CLPX: variants seen among roughly 807,000 people sequenced by gnomAD.
The protein encoded by CLPX is caseinolytic mitochondrial matrix peptidase chaperone subunit X.
CLPX carries 34 observed loss-of-function variants against 76.4 expected under a neutral mutation model. The ratio of observed to expected loss-of-function variants is 0.45; its 90% CI spans 0.34 to 0.59. CLPX has a LOEUF of 0.59. CLPX is among the 20% of genes least tolerant of loss of function. CLPX has a pLI of 0.01. For synonymous variants in CLPX, 248 were observed against 270.9 expected, an observed-to-expected ratio of 0.92 and a Z score of 0.83; for missense variants, 613 against 757.0, an observed-to-expected ratio of 0.81 and a Z score of 2.23.
chr15:65,152,471 G>A lies in CLPX; in HGVS notation c.1770C>T (p.Asp590=), dbSNP rs779741282. 8.3e-6 allele frequency: 13 copies of A among 1,559,702 alleles called. No individual in the cohort carries two copies. In the South Asian group the frequency reaches 1.6e-4, roughly 19 times the overall value. The stretch of plus-strand genomic sequence containing the variant: ...CCTTTTTTCCTTCTACTACTTCTTT[G>A]TCAACCTCCACACATACGATATCAG... ...PNSDIVCVEV[D]KEVVEGKKEP... is the part of the protein sequence containing the mutation. Residue 590 remains aspartate, a synonymous_variant, in exon 13 of 14, where the codon GAC becomes GAT. Coordinates refer to ENST00000300107, the MANE Select transcript of CLPX (RefSeq NM_006660.5).
chr15:65,154,855 G>A lies in CLPX; in HGVS notation c.1538C>T (p.Thr513Ile). The change falls in exon 11 of 14, where the codon ACA becomes ATA. Residue 513 changes from threonine to isoleucine, a missense_variant. By Grantham distance (89) the Thr-to-Ile change is moderately conservative. This residue lies in a region of CLPX where 450 missense variants were observed against 638.6 expected (regional missense o/e 0.70). Transcript: ENST00000300107. The part of the protein sequence containing the change: ...VVPLHSLDEK[T>I]LVQILTEPRN... ...TGGCTCAGTTAATATTTGTACAAGT[G>A]TTTTCTCATCTAGGCTATGCAATGG... 6.2e-7 allele frequency: 1 copy of A among 1,614,082 alleles called. No individual in the cohort carries two copies. Among genetic ancestry groups the A allele is most frequent in the Non-Finnish European group, 8.5e-7 (1 of 1,179,930 alleles).
Position 65,165,220 on chromosome 15 carries a change from G to T in CLPX, c.514-1032C>A, listed in dbSNP as rs1012385123. On this transcript the variant is annotated intron_variant, in intron 4 of 13. Transcript: ENST00000300107. ...GTAGACACCTGCAGTCCCAGCTACT[G>T]TGGAGGCTGAAGTGGGAGGATCACT... Among the ~76,000 whole-genome samples the T allele has an allele frequency of 3.3e-5, 5 of 151,824 alleles. No homozygotes were observed. In the East Asian group the frequency reaches 9.7e-4, roughly 29 times the overall value.
At chr15:65,156,025 C>T (rs1263238653) in intron 9 of CLPX, among the ~76,000 whole-genome samples, 169 bp from the exon 10 acceptor site, 3 of 152,144 alleles carry the variant, frequency 2.0e-5, no homozygotes, top group African/African-American at 7.2e-5. Flanking sequence ...GCATTTATCA[C>T]ATTAATAATT....
At chr15:65,159,834 A>G (rs1295820507) in intron 6 of CLPX, among the ~76,000 whole-genome samples, 2 of 145,478 alleles carry the variant, frequency 1.4e-5, no homozygotes, top group Non-Finnish European at 3.0e-5. Context: ...TTATTTTGAG[A>G]CAGAGTCTCT....
chr15:65,160,623 T>TCTCTCTCTCTCTCACACACACA (rs1219208926), intron 6 of CLPX, among the ~76,000 whole-genome samples: 8 of 100,970 alleles, frequency 7.9e-5, no homozygotes, highest in East Asian at 2.7e-4. Context: ...TCTCTCTCTC[T>TCTCTCTCTCTCTCACACACACA]CACACACACA....
chr15:65,158,683 T>A lies in CLPX; in HGVS notation c.784A>T (p.Asn262Tyr). ...CGTTTTTCCTGAGGTATTTGTTGATTTACCTGTTGCTGCATTGATGCTCCT... is the reference window on the plus strand; with the variant it reads ...CGTTTTTCCTGAGGTATTTGTTGATATACCTGTTGCTGCATTGATGCTCCT... ...ALGASMQQQV[N>Y]QQIPQEKRGG... Residue 262 changes from asparagine (N) to tyrosine (Y), a missense_variant, in exon 7 of 14, where the codon AAT (asparagine) becomes TAT (tyrosine). This residue lies in a region of CLPX where 450 missense variants were observed against 638.6 expected (regional missense o/e 0.70). Transcript: ENST00000300107. 1 of 1,613,934 alleles carries A rather than the reference T, an allele frequency of 6.2e-7. No homozygotes were observed. Among genetic ancestry groups the A allele is most frequent in the Non-Finnish European group, 8.5e-7 (1 of 1,179,880 alleles).
chr15:65,180,770 G>C lies in CLPX; in HGVS notation c.80-566C>G, dbSNP rs376621436. Among the ~76,000 whole-genome samples the C allele has an allele frequency of 1.0e-3, 154 of 151,842 alleles. 1 individual carries two copies. Among genetic ancestry groups the C allele is most frequent in the African/African-American group, 3.5e-3 (147 of 41,418 alleles). ...TAAAAAAAAATTGGCCACGCATGGTGGTGGGCGCCTTTAATCCCAGCTACT... is the reference window on the plus strand; with the variant it reads ...TAAAAAAAAATTGGCCACGCATGGTCGTGGGCGCCTTTAATCCCAGCTACT... On this transcript the variant is annotated intron_variant, in intron 1 of 13. Transcript: ENST00000300107.
At chr15:65,175,790 T>C (rs2088083657) in intron 3 of CLPX, among the ~76,000 whole-genome samples, 1 of 152,130 alleles carries the variant, frequency 6.6e-6, no homozygotes, top group African/African-American at 2.4e-5. Flanking sequence ...AAAACTCTCT[T>C]TAGGACTATG....
At chr15:65,151,790 C>T (rs757490475) in intron 13 of CLPX, among the ~76,000 whole-genome samples, 6 of 152,156 alleles carry the variant, frequency 3.9e-5, no homozygotes, top group Admixed American at 6.5e-5. Context: ...TAAAACATAA[C>T]ATACCTTATG....
chr15:65,157,091 C>T (rs542906614), intron 8 of CLPX, among the ~76,000 whole-genome samples, 159 bp from the exon 9 acceptor site: 1 of 152,308 alleles, frequency 6.6e-6, no homozygotes, highest in South Asian at 2.1e-4. Flanking sequence ...TTTATTTCTT[C>T]CATCCATCAT....
intron 3 of CLPX, among the ~76,000 whole-genome samples, chr15:65,171,752 C>G (rs941465579): frequency 2.0e-5 from 3 of 152,060 alleles, no homozygotes; most frequent in African/African-American, 7.2e-5. Context: ...GAAAATCTGG[C>G]CTGAGAGCAC....
chr15:65,157,105 G>A (rs758095832), intron 8 of CLPX, among the ~76,000 whole-genome samples, 173 bp from the exon 9 acceptor site: 4 of 152,078 alleles, frequency 2.6e-5, no homozygotes, highest in African/African-American at 9.7e-5. Context: ...CCATCATTTT[G>A]TACAACTGCT....
chr15:65,164,222 G>A (rs1370312409), intron 4 of CLPX, 34 bp from the exon 5 acceptor site: 3 of 1,542,102 alleles, frequency 1.9e-6, no homozygotes, highest in Non-Finnish European at 2.7e-6. Flanking sequence ...AATTTAATAT[G>A]AGCTATTATA....
In CLPX at chr15:65,155,719, T is replaced by G; in HGVS notation, c.1284A>C (p.Arg428Ser). 6.2e-7 allele frequency: 1 copy of G among 1,612,744 alleles called. No individual in the cohort carries two copies. Among genetic ancestry groups the G allele is most frequent in the Non-Finnish European group, 8.5e-7 (1 of 1,179,386 alleles). The change falls in exon 10 of 14, where the codon AGA becomes AGC. Residue 428 changes from arginine (R) to serine (S), a missense_variant. Transcript: ENST00000300107. ...TTTCATTTTTCCTCCTGCTGATGAT[T>G]CTGTCTAAACCATTGAAAGCACCAG... The part of the protein sequence containing the change: ...VASGAFNGLD[R>S]IISRRKNEKY...
Position 65,163,171 on chromosome 15 carries a change from T to G in CLPX, c.674-526A>C, listed in dbSNP as rs2087872857. ...GGAGCCTGGGAAGTTGAGGCTGCAG[T>G]GAGTCGCAATCCAGCCTGGGTGACA... is the stretch of plus-strand genomic sequence containing the variant. On this transcript the variant is annotated intron_variant, in intron 5 of 13. Transcript: ENST00000300107. 2.0e-5 allele frequency among the ~76,000 whole-genome samples: 3 copies of G among 152,178 alleles called. No individual in the cohort carries two copies. In the South Asian group the frequency reaches 6.2e-4, roughly 32 times the overall value.
intron 1 of CLPX, among the ~76,000 whole-genome samples, chr15:65,182,870 A>G (rs2088193279): frequency 6.6e-6 from 1 of 152,236 alleles, no homozygotes; most frequent in African/African-American, 2.4e-5. Flanking sequence ...TGTTTTTAAA[A>G]AGAAATACTA....
intron 1 of CLPX, among the ~76,000 whole-genome samples, chr15:65,181,813 A>G (rs879670287): frequency 2.0e-5 from 3 of 151,236 alleles, no homozygotes; most frequent in Non-Finnish European, 4.4e-5. Context: ...ATCAATCCCA[A>G]AAGTAGGCTT....
At chr15:65,171,347 T>G (rs1350886971) in intron 3 of CLPX, among the ~76,000 whole-genome samples, 1 of 151,590 alleles carries the variant, frequency 6.6e-6, no homozygotes, top group Non-Finnish European at 1.5e-5. Flanking sequence ...CTGGGGAGGC[T>G]GAGGCACGAG....
chr15:65,156,206 T>C (rs1033637057), intron 9 of CLPX, among the ~76,000 whole-genome samples: 2 of 152,184 alleles, frequency 1.3e-5, no homozygotes, highest in African/African-American at 4.8e-5. Context: ...TAGAAAATAG[T>C]TGAAGATATG....
Sources: allele counts gnomAD v4.1 joint callset (sites outside exome capture counted in the v4.1 genomes callset), GRCh38; gene constraint gnomAD v4.1.1; regional missense constraint gnomAD v4.1.1; transcripts MANE v1.5; gene names NCBI Gene and HGNC (gene_info 2026-07-23, HGNC 2026-07-21).